The following ZNRF3 variants were observed in gnomAD, a reference collection of about 807,000 sequenced individuals.
ZNRF3 encodes the protein E3 ubiquitin-protein ligase ZNRF3.
A neutral mutation model predicts 72.5 loss-of-function variants in ZNRF3; 23 were observed. The observed-to-expected ratio is 0.32, with a 90% confidence interval of 0.23 to 0.45. ZNRF3 has a LOEUF of 0.45. ZNRF3 is among the 20% of genes least tolerant of loss of function. The pLI, the probability that ZNRF3 is intolerant of heterozygous loss-of-function variation, is 1.00. For synonymous variants in ZNRF3, 610 were observed against 545.3 expected (o/e 1.12, Z -1.65); for missense variants, 1,169 against 1,272.1 (o/e 0.92, Z 1.23).
At position 29,054,669 on chromosome 22, in the gene ZNRF3, G is replaced by T; in HGVS notation, c.*1047G>T. The T allele has an allele frequency of 6.5e-6, 1 of 152,888 alleles. No individual in the cohort carries two copies. The highest frequency in any genetic ancestry group is 1.5e-5 in the Non-Finnish European group (1 of 68,106). The allele number at this position is 152,888 out of a possible 1,614,324, so 9.5% of individuals were successfully genotyped here. A position where few individuals can be genotyped will look rare whatever the true frequency, so the allele number is the denominator to read the frequency against. Reference sequence around the variant, plus strand: ...ACTTTTGTGGCCTTGGTGTCCGATGGGGCTGGGGGAGAGTGCTCTCCACTG... The same window carrying T: ...ACTTTTGTGGCCTTGGTGTCCGATGTGGCTGGGGGAGAGTGCTCTCCACTG... On this transcript the variant is annotated 3_prime_UTR_variant, in exon 9 of 9. Coordinates refer to ENST00000544604, the MANE Select transcript of ZNRF3 (RefSeq NM_001206998.2).
At chr22:28,884,362 G>C (rs1438593476) in intron 1 of ZNRF3, among the ~76,000 whole-genome samples, 1 of 152,214 alleles carries the variant, frequency 6.6e-6, no homozygotes, top group East Asian at 1.9e-4. Context: ...TGGGTATTTA[G>C]GTCTGCCTCA....
intron 2 of ZNRF3, among the ~76,000 whole-genome samples, chr22:29,042,075 A>G (rs2036972740): frequency 6.6e-6 from 1 of 152,160 alleles, no homozygotes; most frequent in Admixed American, 6.5e-5. Flanking sequence ...AAGTCATCTG[A>G]CCTCATGATT....
chr22:28,900,709 A>G lies in ZNRF3; in HGVS notation c.300+16643A>G, dbSNP rs118034779. Reference sequence around the variant, plus strand: ...CCTTTGAAAAGAAACTTACTGTTTCAGAAGAGGGAGGCAGTCCAATGATTT... The same window carrying G: ...CCTTTGAAAAGAAACTTACTGTTTCGGAAGAGGGAGGCAGTCCAATGATTT... On this transcript the variant is annotated intron_variant, in intron 1 of 8. Coordinates refer to ENST00000544604, the MANE Select transcript of ZNRF3 (RefSeq NM_001206998.2). Among the ~76,000 whole-genome samples the G allele has an allele frequency of 2.1e-3, 321 of 152,346 alleles. 1 individual carries two copies. Among genetic ancestry groups the G allele is most frequent in the Non-Finnish European group, 4.0e-3 (269 of 68,032 alleles).
Position 28,981,674 on chromosome 22 carries a change from T to C in ZNRF3, c.301-5402T>C, listed in dbSNP as rs186821928. On this transcript the variant is annotated intron_variant, in intron 1 of 8. Transcript: ENST00000544604. ...CGGGGATATTCTCAGCAAAACTGTA[T>C]AAGACTGTGCATATAGCATCCTTCA... Among the ~76,000 whole-genome samples the C allele has an allele frequency of 1.2e-4, 18 of 152,316 alleles. 1 individual carries two copies. The highest frequency in any genetic ancestry group is 1.1e-3 in the Admixed American group (17 of 15,304).
chr22:28,886,972 A>G (rs904336258), intron 1 of ZNRF3, among the ~76,000 whole-genome samples: 1 of 152,148 alleles, frequency 6.6e-6, no homozygotes, highest in African/African-American at 2.4e-5. Flanking sequence ...AAACAAACAA[A>G]CAAAAACTGT....
At chr22:28,962,473 C>G (rs938654606) in intron 1 of ZNRF3, among the ~76,000 whole-genome samples, 2 of 152,206 alleles carry the variant, frequency 1.3e-5, no homozygotes, top group Admixed American at 6.5e-5. Context: ...CACAAGCAGT[C>G]ACTTGTTTTT....
chr22:29,001,472 C>CTTTT (rs750297109), intron 2 of ZNRF3, among the ~76,000 whole-genome samples: 2,178 of 124,962 alleles, frequency 0.017, 42 homozygotes, highest in African/African-American at 0.036. Context: ...ATTTTTTAAA[C>CTTTT]TTTTTTTTTT....
At chr22:28,907,604 G>A (rs1166091442) in intron 1 of ZNRF3, among the ~76,000 whole-genome samples, 1 of 152,144 alleles carries the variant, frequency 6.6e-6, no homozygotes, top group Non-Finnish European at 1.5e-5. Flanking sequence ...TTCCAACCCA[G>A]CAGCATATTT....
At chr22:29,003,902 G>C (rs2036196586) in intron 2 of ZNRF3, among the ~76,000 whole-genome samples, 3 of 152,218 alleles carry the variant, frequency 2.0e-5, no homozygotes, top group Non-Finnish European at 4.4e-5. Context: ...CAATCCCTCT[G>C]TCTTTGCTTA....
At chr22:28,986,148 A>T (rs1452728967) in intron 1 of ZNRF3, among the ~76,000 whole-genome samples, 1 of 152,216 alleles carries the variant, frequency 6.6e-6, no homozygotes, top group East Asian at 1.9e-4. Flanking sequence ...CTTGCTGTGT[A>T]AGGTAACTTA....
At chr22:28,890,752 T>TTC (rs200742029) in intron 1 of ZNRF3, among the ~76,000 whole-genome samples, 1 of 149,904 alleles carries the variant, frequency 6.7e-6, no homozygotes, top group Non-Finnish European at 1.5e-5. Flanking sequence ...CTTGCTTGCT[T>TTC]TCTCTCTCTC....
intron 2 of ZNRF3, among the ~76,000 whole-genome samples, chr22:29,020,761 T>TGTGTGTGTGTGTG (rs1569284112): frequency 7.2e-4 from 31 of 42,978 alleles, no homozygotes; most frequent in African/African-American, 1.8e-3. Context: ...GGGGCTTTGT[T>TGTGTGTGTGTGTG]TTTGTGTGTG....
intron 2 of ZNRF3, among the ~76,000 whole-genome samples, chr22:29,035,876 G>A (rs1390305130): frequency 1.3e-5 from 2 of 152,058 alleles, no homozygotes; most frequent in African/African-American, 2.4e-5. Flanking sequence ...CACTGCGCCC[G>A]GCCTTAAACG....
At chr22:29,041,321 T>C (rs778796574) in intron 2 of ZNRF3, among the ~76,000 whole-genome samples, 1 of 152,162 alleles carries the variant, frequency 6.6e-6, no homozygotes, top group African/African-American at 2.4e-5. Flanking sequence ...TTTTCTGTTA[T>C]TTTTTAGATA....
intron 1 of ZNRF3, among the ~76,000 whole-genome samples, chr22:28,936,655 G>T (rs1227274849): frequency 3.9e-5 from 6 of 152,106 alleles, no homozygotes; most frequent in Non-Finnish European, 7.4e-5. Flanking sequence ...GCCCACCTTG[G>T]TTTTTTCATC....
rs532020082 is a variant in ZNRF3 at position 28,914,793 on chromosome 22, A to G, written c.300+30727A>G. Among the ~76,000 whole-genome samples, 81 of 151,090 alleles carry G rather than the reference A, an allele frequency of 5.4e-4. 1 individual carries two copies. The Middle Eastern group carries it at 0.017, about 32-fold the overall frequency. ...GGCGCCATTGCACTCCGGCCTGGGC[A>G]GCAAGAATGAAACTCCGTCTCAAAA... On this transcript the variant is annotated intron_variant, in intron 1 of 8. Coordinates refer to ENST00000544604, the MANE Select transcript of ZNRF3 (RefSeq NM_001206998.2).
rs1339194564 is a variant in ZNRF3 at position 28,928,209 on chromosome 22, ATAGT to A, written c.300+44149_300+44152del. On this transcript the variant is annotated intron_variant, in intron 1 of 8. Transcript: ENST00000544604. ...TTAAGCCCATAGAAAAGTTGAATGA[ATAGT>A]TAGTTGTGTGTGGCAAAATGTTAAC... Among the ~76,000 whole-genome samples the A allele has an allele frequency of 4.6e-5, 7 of 152,258 alleles. No homozygotes were observed. The Middle Eastern group carries it at 0.01, about 222-fold the overall frequency.
chr22:28,958,128 C>T (rs994098403), intron 1 of ZNRF3, among the ~76,000 whole-genome samples: 4 of 152,228 alleles, frequency 2.6e-5, no homozygotes, highest in South Asian at 2.1e-4. Context: ...GCAGAGTTTG[C>T]AGTGAGCTGA....
At chr22:28,972,073 C>T (rs894284537) in intron 1 of ZNRF3, among the ~76,000 whole-genome samples, 11 of 152,136 alleles carry the variant, frequency 7.2e-5, no homozygotes, top group Non-Finnish European at 1.5e-5. Flanking sequence ...CTTTTCTCCC[C>T]ATTTACCATT....
Sources: allele counts gnomAD v4.1 joint callset (sites outside exome capture counted in the v4.1 genomes callset), GRCh38; gene constraint gnomAD v4.1.1; transcripts MANE v1.5; gene names NCBI Gene and HGNC (gene_info 2026-07-23, HGNC 2026-07-21).